The following UNC45A variants were observed in gnomAD, a reference collection of about 807,000 sequenced individuals.
UNC45A encodes the protein unc-45 myosin chaperone A.
UNC45A carries 78 observed loss-of-function variants against 103.2 expected under a neutral mutation model. The observed-to-expected ratio is 0.76, with a 90% confidence interval of 0.63 to 0.91. The LOEUF (loss-of-function observed/expected upper bound fraction) is 0.91. Among genes scored for constraint, UNC45A ranks in the 40% least tolerant of loss-of-function variants. UNC45A has a pLI of 0.00. For missense variants in UNC45A, 1,193 were observed against 1,224.8 expected (o/e 0.97, Z 0.39); for synonymous variants, 495 against 504.6 (o/e 0.98, Z 0.25).
Position 90,947,706 on chromosome 15 carries a change from G to A in UNC45A, c.1501-90G>A, listed in dbSNP as rs1432820441. On this transcript the variant is annotated intron_variant, in intron 10 of 19. Transcript: ENST00000418476. ...GTAGCTTCCAGGGGGCCATGGCAGA[G>A]TGCCAGGGAGGGAGTCCAAGCCAGG... is the stretch of plus-strand genomic sequence containing the variant. The A allele has an allele frequency of 4.6e-6, 4 of 867,972 alleles. No individual in the cohort carries two copies. In the African/African-American group the frequency reaches 5.0e-5, roughly 11 times the overall value. 53.8% of individuals were successfully genotyped at this position (867,972 alleles called of 1,614,324 possible).
At chr15:90,935,743 GC>G in intron 2 of UNC45A, 38 bp downstream of exon 2, 2 of 1,528,312 alleles carry the variant, frequency 1.3e-6, no homozygotes, top group Non-Finnish European at 1.8e-6. Flanking sequence ...GCCCGCCCGG[GC>G]CCCGGTTCGC....
At position 90,945,076 on chromosome 15, in the gene UNC45A, G is replaced by C; in HGVS notation, c.1199+13G>C. ...AAAACTACATCAAGTAAGGAAGTCTGTTTCACCTCCCGTTGCCAGGGATTC... is the reference window on the plus strand; with the variant it reads ...AAAACTACATCAAGTAAGGAAGTCTCTTTCACCTCCCGTTGCCAGGGATTC... On this transcript the variant is annotated intron_variant, in intron 9 of 19. Coordinates refer to ENST00000418476, the MANE Select transcript of UNC45A (RefSeq NM_018671.5). 6.2e-7 allele frequency: 1 copy of C among 1,608,924 alleles called. No individual in the cohort carries two copies.
chr15:90,946,899 C>G lies in UNC45A; in HGVS notation c.1485C>G (p.Arg495=), dbSNP rs747009251. The change falls in exon 10 of 20, where the codon CGC becomes CGG. Residue 495 remains arginine, a synonymous_variant. Transcript: ENST00000418476. ...AGTGCAGCGAGAAGGACAGCATCCG[C>G]ATCCGGGCGCTAGTGGTGAGACGGT... is the stretch of plus-strand genomic sequence containing the variant. ...LYKCSEKDSI[R]IRALVGLCKL... 4 of 1,428,818 alleles carry G rather than the reference C, an allele frequency of 2.8e-6. No homozygotes were observed. The South Asian group carries it at 4.5e-5, about 16-fold the overall frequency. 88.5% of individuals were successfully genotyped at this position (1,428,818 alleles called of 1,614,324 possible).
upstream of UNC45A, chr15:90,931,838 T>A (rs1229747659): frequency 1.9e-6 from 3 of 1,613,974 alleles, no homozygotes; most frequent in Admixed American, 5.0e-5. Flanking sequence ...CAGAGTCTTG[T>A]CATCTGTTAC....
chr15:90,931,561 A>G (rs369746305), upstream of UNC45A: 6 of 1,614,086 alleles, frequency 3.7e-6, no homozygotes, highest in Middle Eastern at 1.6e-4. Context: ...TTTTTACTGT[A>G]TGAAAGAAGA....
intron 8 of UNC45A, among the ~76,000 whole-genome samples, chr15:90,944,439 C>T (rs976901744): frequency 6.6e-6 from 1 of 151,886 alleles, no homozygotes; most frequent in Non-Finnish European, 1.5e-5. Context: ...ATGAGCAGGG[C>T]CTTTCACAAT....
At chr15:90,931,944 C>G, upstream of UNC45A, 1 of 1,613,818 alleles carries the variant, frequency 6.2e-7, no homozygotes, top group Non-Finnish European at 8.5e-7. Flanking sequence ...AGCAGGGCCG[C>G]CTGGGGACAA....
chr15:90,948,584 C>A lies in UNC45A; in HGVS notation c.1738-70C>A, dbSNP rs1163505619. On this transcript the variant is annotated intron_variant, in intron 12 of 19. Coordinates refer to ENST00000418476, the MANE Select transcript of UNC45A (RefSeq NM_018671.5). ...CTGAGGGTGGAATTGGGGGCCTGGG[C>A]CTGGGCAGCATTTATCTGAGTACTG... The A allele has an allele frequency of 2.5e-6, 4 of 1,575,506 alleles. No individual in the cohort carries two copies. The East Asian group carries it at 6.8e-5, about 27-fold the overall frequency.
chr15:90,940,632 G>A lies in UNC45A; in HGVS notation c.687+159G>A, dbSNP rs141451332. ...TTACCTTATTCTAAAAAGAACTTAG[G>A]TAGGTTATGGTGCCTCACACCTGTA... On this transcript the variant is annotated intron_variant, in intron 6 of 19. Coordinates refer to ENST00000418476, the MANE Select transcript of UNC45A (RefSeq NM_018671.5). The A allele has an allele frequency of 2.9e-4, 259 of 885,550 alleles. 2 individuals are homozygous for A. The African/African-American group carries it at 4.0e-3, about 14-fold the overall frequency. The allele number at this position is 885,550 out of a possible 1,614,324, so 54.9% of individuals were successfully genotyped here.
chr15:90,935,171 C>A, upstream of UNC45A: 1 of 734,980 alleles, frequency 1.4e-6, no homozygotes, highest in Non-Finnish European at 2.3e-6. Context: ...AGCGCCCCGC[C>A]CCTGCCCGGG....
chr15:90,941,236 C>T (rs767658237), intron 6 of UNC45A, among the ~76,000 whole-genome samples: 32 of 152,106 alleles, frequency 2.1e-4, no homozygotes, highest in Non-Finnish European at 3.5e-4. Flanking sequence ...TGACCGGACA[C>T]GTAGGGCTTG....
chr15:90,936,400 G>T lies in UNC45A; in HGVS notation c.366G>T (p.Glu122Asp), dbSNP rs1245005316. Residue 122 changes from glutamate (E) to aspartate (D), a missense_variant, in exon 4 of 20, where the codon GAG (glutamate) becomes GAT (aspartate). Physicochemically the swap from Glu to Asp is conservative, Grantham distance 45. Transcript: ENST00000418476. ...ACCTGCAGAGATGTGTGAGCTTGGAGCCCAAGAACAAAGTTTTCCAGGAGG... is the reference window on the plus strand; with the variant it reads ...ACCTGCAGAGATGTGTGAGCTTGGATCCCAAGAACAAAGTTTTCCAGGAGG... ...VLDLQRCVSL[E>D]PKNKVFQEAL... 1 of 1,614,102 alleles carries T rather than the reference G, an allele frequency of 6.2e-7. No homozygotes were observed. The highest frequency in any genetic ancestry group is 1.3e-5 in the African/African-American group (1 of 74,938).
Position 90,948,662 on chromosome 15 carries a change from G to C in UNC45A, c.1746G>C (p.Glu582Asp). The C allele has an allele frequency of 6.2e-7, 1 of 1,613,752 alleles. No homozygotes were observed. Among genetic ancestry groups the C allele is most frequent in the South Asian group, 1.1e-5 (1 of 91,070 alleles). ...KALFQLSRLEERSVLFAVASA... is the reference protein window; with the variant it reads ...KALFQLSRLEDRSVLFAVASA... ...CCTCTGTGTCCTGGCAGTTGGAGGA[G>C]AGGTCAGTGCTCTTTGCGGTGGCCT... The change falls in exon 13 of 20, where the codon GAG (glutamate) becomes GAC (aspartate). Residue 582 changes from glutamate to aspartate, a missense_variant. Glu to Asp is a conservative substitution (Grantham distance 45). Transcript: ENST00000418476.
At chr15:90,947,501 G>C (rs1158087246) in intron 10 of UNC45A, 1 of 429,562 alleles carries the variant, frequency 2.3e-6, no homozygotes. Context: ...TTCTTTGTGC[G>C]ACATGGAAGG....
In UNC45A at chr15:90,936,353, C is replaced by G. The variant is rs748799860; in HGVS notation, c.319C>G (p.Arg107Gly). The change falls in exon 4 of 20, where the codon CGC becomes GGC. Residue 107 changes from arginine to glycine, a missense_variant. Transcript: ENST00000418476. ...RRSQALEKLG[R>G]LDQAVLDLQR... The stretch of plus-strand genomic sequence containing the variant: ...GAGCCAAGCCCTAGAGAAGCTGGGC[C>G]GCCTGGACCAGGCTGTCCTTGACCT... 6.8e-6 allele frequency: 11 copies of G among 1,614,196 alleles called. No homozygotes were observed. Among genetic ancestry groups the G allele is most frequent in the Admixed American group, 1.7e-5 (1 of 60,022 alleles).
upstream of UNC45A, chr15:90,930,958 G>A: frequency 3.1e-6 from 1 of 321,646 alleles, no homozygotes; most frequent in Non-Finnish European, 5.9e-6. Context: ...TCCAGAACGT[G>A]TTAGGAACTA....
chr15:90,953,345 G>C, intron 19 of UNC45A, 35 bp downstream of exon 19: 1 of 1,595,542 alleles, frequency 6.3e-7, no homozygotes, highest in South Asian at 1.1e-5. Flanking sequence ...AGGAGGGACG[G>C]ACCAGGAACT....
chr15:90,945,847 G>T (rs1379042677), intron 9 of UNC45A, among the ~76,000 whole-genome samples: 1 of 151,058 alleles, frequency 6.6e-6, no homozygotes, highest in African/African-American at 2.4e-5. Flanking sequence ...TGGCCAGGCT[G>T]GTCTCGAACT....
chr15:90,952,795 G>A lies in UNC45A; in HGVS notation c.2304-134G>A, dbSNP rs372706345. The A allele has an allele frequency of 8.2e-6, 6 of 731,774 alleles. No individual in the cohort carries two copies. In the African/African-American group the frequency reaches 8.7e-5, roughly 11 times the overall value. 45.3% of individuals were successfully genotyped at this position (731,774 alleles called of 1,614,324 possible). A position where few individuals can be genotyped will look rare whatever the true frequency, so the allele number is the denominator to read the frequency against. On this transcript the variant is annotated intron_variant, in intron 17 of 19. Coordinates refer to ENST00000418476, the MANE Select transcript of UNC45A (RefSeq NM_018671.5). ...TATCACGAGGATAGCACCAAGCCAT[G>A]AGGGACCCATCCCATGACCCAGTCA...
Sources: allele counts gnomAD v4.1 joint callset (sites outside exome capture counted in the v4.1 genomes callset), GRCh38; gene constraint gnomAD v4.1.1; transcripts MANE v1.5; gene names NCBI Gene and HGNC (gene_info 2026-07-23, HGNC 2026-07-21).